SPON2: variants seen among roughly 807,000 people sequenced by gnomAD.
SPON2 encodes spondin-2.
A neutral mutation model predicts 29.9 loss-of-function variants in SPON2; 32 were observed. The observed-to-expected ratio is 1.07, with a 90% CI of 0.81 to 1.44. SPON2 has a LOEUF of 1.44. Ranked by LOEUF, SPON2 falls within the 40% of genes most tolerant of loss-of-function variation. SPON2 has a pLI of 0.00. For synonymous variants in SPON2, 248 were observed against 209.1 expected, an observed-to-expected ratio of 1.19 and a Z score of -1.61; for missense variants, 541 against 455.5, an observed-to-expected ratio of 1.19 and a Z score of -1.71.
At chr4:1,180,018 G>C (rs1201633201) in intron 1 of SPON2, among the ~76,000 whole-genome samples, 1 of 152,054 alleles carries the variant, frequency 6.6e-6, no homozygotes, top group African/African-American at 2.4e-5. Context: ...ATGTCAATGG[G>C]GAGCTTTGAA....
chr4:1,190,459 C>T (rs1727891633), intron 1 of SPON2, among the ~76,000 whole-genome samples: 3 of 152,148 alleles, frequency 2.0e-5, no homozygotes, highest in South Asian at 4.1e-4. Flanking sequence ...TACCCTGATA[C>T]CAAAACTAGA....
chr4:1,196,007 TAGA>T (rs1728061054), upstream of SPON2, among the ~76,000 whole-genome samples: 1 of 152,068 alleles, frequency 6.6e-6, no homozygotes, highest in South Asian at 2.1e-4. Flanking sequence ...TACATGAGAA[TAGA>T]AGATCATGGG....
rs548434133 is a variant in SPON2 at position 1,167,363 on chromosome 4, G to T, written c.*109C>A. 75 of 1,203,516 alleles carry T rather than the reference G, an allele frequency of 6.2e-5. No homozygotes were observed. The East Asian group carries it at 1.1e-3, about 18-fold the overall frequency. The allele number at this position is 1,203,516 out of a possible 1,614,324, so 74.6% of individuals were successfully genotyped here. On this transcript the variant is annotated 3_prime_UTR_variant, in exon 6 of 6. Coordinates refer to ENST00000290902, the MANE Select transcript of SPON2 (RefSeq NM_012445.4). ...GTCGGCGCGGCCTCACCGCGGTCAG[G>T]AGCAGCGCGAAACCCCCTGTGCCCT... is the stretch of plus-strand genomic sequence containing the variant.
chr4:1,173,672 ACT>A (rs1257998637), upstream of SPON2, among the ~76,000 whole-genome samples: 2 of 152,200 alleles, frequency 1.3e-5, no homozygotes, highest in African/African-American at 4.8e-5. Flanking sequence ...TAGACAAAAC[ACT>A]CTGATGTTTG....
chr4:1,167,861 G>A (rs1348427872), intron 5 of SPON2: 12 of 486,004 alleles, frequency 2.5e-5, no homozygotes, highest in South Asian at 4.3e-5. Context: ...AGGGACTGGA[G>A]TTGCGCGTTT....
chr4:1,168,765 A>G (rs1005446121), intron 5 of SPON2, among the ~76,000 whole-genome samples: 2 of 152,192 alleles, frequency 1.3e-5, no homozygotes, highest in South Asian at 2.1e-4. Flanking sequence ...GGGCCCCACC[A>G]CAAGCCTCTC....
chr4:1,181,500 G>A (rs1389034190), intron 1 of SPON2, among the ~76,000 whole-genome samples: 1 of 152,176 alleles, frequency 6.6e-6, no homozygotes, highest in Admixed American at 6.5e-5. Context: ...ATTCTGGGAA[G>A]ATGGTGGAGC....
chr4:1,206,864 G>C (rs1728353628), intron 1 of SPON2, among the ~76,000 whole-genome samples: 1 of 151,908 alleles, frequency 6.6e-6, no homozygotes, highest in Non-Finnish European at 1.5e-5. Context: ...AGACAGGTGT[G>C]AGCAGGTGTG....
rs553931270 is a variant in SPON2 at position 1,202,342 on chromosome 4, C to T, written c.-234+5538G>A. 7.9e-5 allele frequency among the ~76,000 whole-genome samples: 12 copies of T among 152,174 alleles called. No homozygotes were observed. The highest frequency in any genetic ancestry group is 1.5e-4 in the Non-Finnish European group (10 of 68,026). ...ACACCTCCCATCAGTCCCCACCTCC[C>T]GGCACTCCACGGGGTCTAAGTTTCA... On this transcript the variant is annotated intron_variant, in intron 1 of 3. Coordinates refer to the SPON2 transcript ENST00000509233. This position sits in a 1 kb window ranked among gnomAD's most constrained non-coding sequence, Gnocchi z 5.4.
rs1727288349 is a variant in SPON2 at position 1,167,642 on chromosome 4, G to A, written c.826C>T (p.Leu276=). 1 of 1,607,144 alleles carries A rather than the reference G, an allele frequency of 6.2e-7. No homozygotes were observed. The highest frequency in any genetic ancestry group is 1.3e-5 in the African/African-American group (1 of 74,788). ...GACCACAGGGAGACCTCGCAGTCCA[G>A]CGGCGTTTCTGGAACTGGACCAAGC... ...VDSASVPETP[L]DCEVSLWSSW... is the part of the protein sequence containing the mutation. Residue 276 remains leucine (L), a synonymous_variant, in exon 6 of 6, where the codon CTG becomes TTG. Transcript: ENST00000290902.
upstream of SPON2, among the ~76,000 whole-genome samples, chr4:1,177,430 C>A (rs2153078032): frequency 6.6e-6 from 1 of 152,330 alleles, no homozygotes; most frequent in Middle Eastern, 3.4e-3. Flanking sequence ...AAGCTCCTTT[C>A]CCAGTCAGGC....
Position 1,167,361 on chromosome 4 carries a change from A to G in SPON2, c.*111T>C. The G allele has an allele frequency of 8.5e-7, 1 of 1,179,258 alleles. No homozygotes were observed. The highest frequency in any genetic ancestry group is 1.2e-6 in the Non-Finnish European group (1 of 838,430). 73.0% of individuals were successfully genotyped at this position (1,179,258 alleles called of 1,614,324 possible). ...TGGTCGGCGCGGCCTCACCGCGGTC[A>G]GGAGCAGCGCGAAACCCCCTGTGCC... On this transcript the variant is annotated 3_prime_UTR_variant, in exon 6 of 6. Coordinates refer to ENST00000290902, the MANE Select transcript of SPON2 (RefSeq NM_012445.4).
upstream of SPON2, among the ~76,000 whole-genome samples, chr4:1,173,720 GA>G (rs1425360312): frequency 6.6e-6 from 1 of 152,152 alleles, no homozygotes; most frequent in African/African-American, 2.4e-5. Flanking sequence ...CAAAAAGAGA[GA>G]AAAAATAAAT....
intron 1 of SPON2, chr4:1,172,280 G>A (rs942941143): frequency 1.5e-5 from 9 of 599,344 alleles, no homozygotes; most frequent in Non-Finnish European, 2.4e-5. Flanking sequence ...CCGTGCGCCT[G>A]CGAGCGACCA....
rs1418707311 is a variant in SPON2 at position 1,193,792 on chromosome 4, G to GA, written c.-239+1197_-239+1198insT. 2.7e-3 allele frequency among the ~76,000 whole-genome samples: 21 copies of GA among 7,638 alleles called. 1 individual carries two copies. Among genetic ancestry groups the GA allele is most frequent in the African/African-American group, 0.011 (19 of 1,796 alleles). 5.0% of individuals were successfully genotyped at this position (7,638 alleles called of 152,430 possible). A position where few individuals can be genotyped will look rare whatever the true frequency, so the allele number is the denominator to read the frequency against. ...TGGGGGGTGGCGTGGGAAGGACGTGGGGGGGTGGCGTGGGAAGGACGTGGG... is the reference window on the plus strand; with the variant it reads ...TGGGGGGTGGCGTGGGAAGGACGTGGAGGGGGTGGCGTGGGAAGGACGTGGG... On this transcript the variant is annotated intron_variant, in intron 1 of 3. Coordinates refer to the SPON2 transcript ENST00000502483.
intron 1 of SPON2, chr4:1,200,734 G>A (rs937929391): frequency 2.2e-6 from 1 of 444,700 alleles, no homozygotes; most frequent in South Asian, 1.6e-5. Flanking sequence ...GGGGTGGTAA[G>A]GGGGAGGGGA....
chr4:1,193,488 CTTT>C (rs1727956820), intron 1 of SPON2, among the ~76,000 whole-genome samples: 8 of 150,372 alleles, frequency 5.3e-5, no homozygotes, highest in African/African-American at 2.0e-4. Context: ...GGACTGAGTC[CTTT>C]CTCCAGGAGG....
chr4:1,171,179 C>A lies in SPON2; in HGVS notation c.456G>T (p.Val152=). ...VQRRHSLVSF[V]VRIVPSPDWF... is the part of the protein sequence containing the mutation. ...AGTCGGGGCTGGGCACGATGCGCAC[C>A]ACAAACGAGACCTGCGGCGACAGCG... Residue 152 remains valine (V), a synonymous_variant, in exon 4 of 6, where the codon GTG becomes GTT. Transcript: ENST00000290902. The A allele has an allele frequency of 5.2e-6, 8 of 1,532,894 alleles. No homozygotes were observed. The highest frequency in any genetic ancestry group is 7.0e-6 in the Non-Finnish European group (8 of 1,142,996). 95.0% of individuals were successfully genotyped at this position (1,532,894 alleles called of 1,614,324 possible). A position where few individuals can be genotyped will look rare whatever the true frequency, so the allele number is the denominator to read the frequency against.
chr4:1,190,327 A>C (rs1461621283), intron 1 of SPON2, among the ~76,000 whole-genome samples: 1 of 152,100 alleles, frequency 6.6e-6, no homozygotes, highest in Non-Finnish European at 1.5e-5. Flanking sequence ...CACAAAGAAA[A>C]GCCCAGGATG....
Sources: gnomAD v4.1 joint callset for allele counts (sites outside exome capture counted in the v4.1 genomes callset) on GRCh38, gnomAD v4.1.1 for gene constraint, Gnocchi (gnomAD v3.1) non-coding constraint, MANE v1.5 for transcripts, NCBI Gene and HGNC (gene_info 2026-07-23, HGNC 2026-07-21) for gene names.